Variants in CDK14 observed in about 807,000 individuals in gnomAD.
CDK14 encodes the protein cyclin-dependent kinase 14.
Under a neutral mutation model 60.7 loss-of-function variants are expected in CDK14, and 34 were observed. The observed-to-expected ratio is 0.56, with a 90% CI of 0.43 to 0.75. The LOEUF is 0.75. CDK14 is among the 30% of genes least tolerant of loss of function. The pLI is 0.00. For missense variants in CDK14, 482 were observed against 564.1 expected, an observed-to-expected ratio of 0.85 and a Z score of 1.47; for synonymous variants, 197 against 203.7, an observed-to-expected ratio of 0.97 and a Z score of 0.28.
intron 14 of CDK14, among the ~76,000 whole-genome samples, chr7:91,156,032 T>C (rs1393855157): frequency 6.6e-6 from 1 of 152,200 alleles, no homozygotes; most frequent in Non-Finnish European, 1.5e-5. Context: ...TACCAGTTGA[T>C]TTCCCATAAT....
At chr7:90,806,800 A>G (rs963456943) in intron 5 of CDK14, among the ~76,000 whole-genome samples, 1 of 152,190 alleles carries the variant, frequency 6.6e-6, no homozygotes, top group African/African-American at 2.4e-5. Context: ...GTCTTAGCAA[A>G]CGGTACACCA....
intron 2 of CDK14, among the ~76,000 whole-genome samples, chr7:90,683,347 C>T (rs1584791297): frequency 1.3e-5 from 2 of 152,236 alleles, no homozygotes; most frequent in South Asian, 2.1e-4. Context: ...CAAATAGGAA[C>T]CTCTTCAAGT....
chr7:91,169,245 T>C (rs1358086512), intron 14 of CDK14, among the ~76,000 whole-genome samples: 2 of 152,174 alleles, frequency 1.3e-5, no homozygotes, highest in African/African-American at 4.8e-5. Flanking sequence ...TCCAGTGTAC[T>C]CTAATCTGTG....
intron 2 of CDK14, among the ~76,000 whole-genome samples, chr7:90,655,424 G>A (rs1452499484): frequency 6.6e-6 from 1 of 151,982 alleles, no homozygotes; most frequent in Non-Finnish European, 1.5e-5. Context: ...AAACAGCCTG[G>A]AAAAATGTGA....
At chr7:90,780,791 C>A (rs1805283227) in intron 4 of CDK14, among the ~76,000 whole-genome samples, 2 of 151,940 alleles carry the variant, frequency 1.3e-5, no homozygotes, top group South Asian at 2.1e-4. Flanking sequence ...TTTTCTTAAT[C>A]CAGTCTATCA....
At chr7:90,675,087 C>A (rs1584786061) in intron 2 of CDK14, among the ~76,000 whole-genome samples, 1 of 152,154 alleles carries the variant, frequency 6.6e-6, no homozygotes, top group African/African-American at 2.4e-5. Context: ...CAACCTGGAT[C>A]TCATTAGTGC....
At chr7:91,053,587 C>T (rs1684912681) in intron 11 of CDK14, among the ~76,000 whole-genome samples, 1 of 152,320 alleles carries the variant, frequency 6.6e-6, no homozygotes, top group East Asian at 1.9e-4. Context: ...AAATCATCAG[C>T]TCCAAAATCT....
chr7:90,955,575 C>T (rs527887431), intron 8 of CDK14, 122 bp from the exon 9 acceptor site: 274 of 1,013,914 alleles, frequency 2.7e-4, no homozygotes, highest in Admixed American at 1.4e-3. Flanking sequence ...AACCTTGATA[C>T]TGCACTCCTG....
intron 11 of CDK14, among the ~76,000 whole-genome samples, chr7:91,063,791 A>G (rs536542110): frequency 3.8e-4 from 58 of 152,330 alleles, no homozygotes; most frequent in African/African-American, 1.3e-3. Flanking sequence ...TGCTTTCTAT[A>G]TACCATATGT....
intron 5 of CDK14, among the ~76,000 whole-genome samples, chr7:90,832,656 A>C (rs1035458386): frequency 6.6e-6 from 1 of 152,212 alleles, no homozygotes; most frequent in Non-Finnish European, 1.5e-5. Context: ...TTAAATATTG[A>C]AGTATCATTG....
At chr7:91,147,340 C>G (rs1800685530) in intron 14 of CDK14, among the ~76,000 whole-genome samples, 1 of 151,848 alleles carries the variant, frequency 6.6e-6, no homozygotes, top group Non-Finnish European at 1.5e-5. Flanking sequence ...GAAAGAAAGT[C>G]CAACTAATGC....
intron 12 of CDK14, among the ~76,000 whole-genome samples, chr7:91,104,092 A>G (rs1473433712): frequency 6.6e-6 from 1 of 152,152 alleles, no homozygotes; most frequent in Non-Finnish European, 1.5e-5. Context: ...AAGAGTTTCC[A>G]TGAACAACAA....
chr7:90,793,953 G>A (rs899131966), intron 5 of CDK14, among the ~76,000 whole-genome samples: 45 of 152,006 alleles, frequency 3.0e-4, no homozygotes, highest in African/African-American at 1.0e-3. Context: ...ATTGTCTATC[G>A]GGGGAAACCA....
chr7:91,188,452 G>A (rs1349907373), intron 14 of CDK14, among the ~76,000 whole-genome samples: 1 of 152,154 alleles, frequency 6.6e-6, no homozygotes, highest in Non-Finnish European at 1.5e-5. Flanking sequence ...TGGAATTCCA[G>A]AGTTGGACTG....
chr7:90,672,515 T>TTTTTTTTTTTTTTTTTTTTTTA, intron 2 of CDK14, among the ~76,000 whole-genome samples: 1 of 129,718 alleles, frequency 7.7e-6, no homozygotes, highest in Non-Finnish European at 1.6e-5. Flanking sequence ...TTTTTTTTTT[T>TTTTTTTTTTTTTTTTTTTTTTA]TTTTTTTTTT....
At chr7:90,948,159 T>C (rs1265608481) in intron 8 of CDK14, among the ~76,000 whole-genome samples, 2 of 152,200 alleles carry the variant, frequency 1.3e-5, no homozygotes, top group African/African-American at 4.8e-5. Flanking sequence ...TCAGCATCAT[T>C]ATGGAAATTC....
intron 10 of CDK14, among the ~76,000 whole-genome samples, chr7:91,022,728 T>C (rs1796463205): frequency 6.6e-6 from 1 of 152,242 alleles, no homozygotes; most frequent in African/African-American, 2.4e-5. Context: ...TATTACATTT[T>C]TATTAGCAGC....
At chr7:90,677,039 C>A (rs1436518909) in intron 2 of CDK14, among the ~76,000 whole-genome samples, 1 of 151,658 alleles carries the variant, frequency 6.6e-6, no homozygotes, top group East Asian at 1.9e-4. Context: ...TTATATTTAA[C>A]TTTGACATAG....
Position 90,894,474 on chromosome 7 carries a change from A to G in CDK14, c.640-4817A>G, listed in dbSNP as rs1236561366. On this transcript the variant is annotated intron_variant, in intron 6 of 14. Transcript: ENST00000380050. ...ACCTAAAATTTTAAAGGTTTAGGAA[A>G]GTCTTTTAAGTTTTCCCAGATCTCA... Among the ~76,000 whole-genome samples, 3 of 152,194 alleles carry G rather than the reference A, an allele frequency of 2.0e-5. No homozygotes were observed. In the East Asian group the frequency reaches 5.8e-4, roughly 29 times the overall value.
Sources: gnomAD v4.1 joint callset for allele counts (sites outside exome capture counted in the v4.1 genomes callset) on GRCh38, gnomAD v4.1.1 for gene constraint, MANE v1.5 for transcripts, NCBI Gene and HGNC (gene_info 2026-07-23, HGNC 2026-07-21) for gene names.